DENND1B: variants seen among roughly 807,000 people sequenced by gnomAD.
The protein encoded by DENND1B is DENN domain containing 1B, also known as DENN domain-containing protein 1B.
A neutral mutation model predicts 90.1 loss-of-function variants in DENND1B; 59 were observed. The ratio of observed to expected loss-of-function variants is 0.65; its 90% confidence interval spans 0.53 to 0.81. DENND1B has a LOEUF of 0.81. Among genes scored for constraint, DENND1B ranks in the 40% least tolerant of loss-of-function variants. The pLI is 0.00. For missense variants in DENND1B, 862 were observed against 912.6 expected (o/e 0.94, Z 0.71); for synonymous variants, 337 against 324.6 (o/e 1.04, Z -0.41).
intron 15 of DENND1B, among the ~76,000 whole-genome samples, chr1:197,580,087 C>CTTTTTTTTTTTTTTTTTTTTT (rs139056668): frequency 1.3e-5 from 1 of 76,744 alleles, no homozygotes; most frequent in African/African-American, 5.2e-5. Flanking sequence ...TTCTTTCTTT[C>CTTTTTTTTTTTTTTTTTTTTT]TTTTTTTTTT....
intron 2 of DENND1B, among the ~76,000 whole-genome samples, chr1:197,722,214 T>A (rs1447658683): frequency 6.6e-6 from 1 of 152,128 alleles, no homozygotes; most frequent in East Asian, 1.9e-4. Flanking sequence ...TTATTTGGTA[T>A]TTCAAGAAAA....
rs1270608756 is a variant in DENND1B at position 197,583,270 on chromosome 1, A to AT, written c.1048-18dup. On this transcript the variant is annotated splice_polypyrimidine_tract_variant and intron_variant, in intron 14 of 22. Transcript: ENST00000620048. ...GGGCTCACCCTAGATAGAAATAAAG[A>AT]TTTTAAGGGCATCAATAAAAGGTTA... The AT allele has an allele frequency of 6.2e-7, 1 of 1,610,444 alleles. No individual in the cohort carries two copies. The highest frequency in any genetic ancestry group is 1.1e-5 in the South Asian group (1 of 90,926).
At chr1:197,582,803 A>G (rs919189487) in intron 15 of DENND1B, among the ~76,000 whole-genome samples, 2 of 123,102 alleles carry the variant, frequency 1.6e-5, no homozygotes, top group Non-Finnish European at 3.8e-5. Flanking sequence ...CTATCAAAAT[A>G]CAGTTTGTTA....
chr1:197,754,641 C>T (rs773154414), intron 2 of DENND1B, among the ~76,000 whole-genome samples: 10 of 104,304 alleles, frequency 9.6e-5, no homozygotes, highest in Non-Finnish European at 1.0e-4. Flanking sequence ...GCCTGGGCAA[C>T]AATGCGAGAC....
Position 197,510,839 on chromosome 1 carries a change from C to G in DENND1B, c.1949G>C (p.Arg650Pro). The G allele has an allele frequency of 1.9e-6, 3 of 1,611,866 alleles. No individual in the cohort carries two copies. The highest frequency in any genetic ancestry group is 1.7e-6 in the Non-Finnish European group (2 of 1,178,896). The change falls in exon 23 of 23, where the codon CGG becomes CCG. Residue 650 changes from arginine to proline, a missense_variant. Arg to Pro is a moderately radical substitution (Grantham distance 103, BLOSUM62 -2). Transcript: ENST00000620048. Reference protein sequence around the residue: ...GKHLPPSPRKRVSSSGLTDSL... With the variant: ...GKHLPPSPRKPVSSSGLTDSL... ...ATCTGTCAAACCACTAGAGGAAACC[C>G]GCTTCCTAGGAGATGGAGGGAGGTG...
chr1:197,626,906 G>A (rs140080073), intron 10 of DENND1B, among the ~76,000 whole-genome samples: 5,137 of 152,080 alleles, frequency 0.034, 282 homozygotes, highest in African/African-American at 0.12. Flanking sequence ...ACACCTCTAC[G>A]CAAATAAACT....
chr1:197,702,774 A>T (rs1027057496), intron 3 of DENND1B, among the ~76,000 whole-genome samples: 3 of 152,160 alleles, frequency 2.0e-5, no homozygotes, highest in African/African-American at 7.2e-5. Context: ...GAAAGTTCTC[A>T]ATCATCTACC....
intron 2 of DENND1B, among the ~76,000 whole-genome samples, chr1:197,757,590 A>T (rs1224107901): frequency 6.6e-6 from 1 of 152,198 alleles, no homozygotes. Context: ...GTCTTACATA[A>T]ATTTGTCTGA....
At chr1:197,732,566 C>A (rs1662245736) in intron 2 of DENND1B, among the ~76,000 whole-genome samples, 1 of 152,118 alleles carries the variant, frequency 6.6e-6, no homozygotes, top group East Asian at 1.9e-4. Flanking sequence ...CAGACTGATC[C>A]TTAGAATATG....
rs199943678 is a variant in DENND1B, at chr1:197,595,556, C to CT, written c.922-224dup. On this transcript the variant is annotated intron_variant, in intron 13 of 22. Transcript: ENST00000620048. ...GCTAATGCAAATTGGTTTATGCTCT[C>CT]TTTTTTTCCCAAGGCCTCTTGACAT... Among the ~76,000 whole-genome samples the CT allele has an allele frequency of 5.9e-3, 897 of 152,140 alleles. 13 individuals carry two copies. Among genetic ancestry groups the CT allele is most frequent in the African/African-American group, 0.02 (838 of 41,530 alleles).
At chr1:197,675,898 A>G (rs1656010860) in intron 3 of DENND1B, among the ~76,000 whole-genome samples, 1 of 151,968 alleles carries the variant, frequency 6.6e-6, no homozygotes, top group Non-Finnish European at 1.5e-5. Context: ...TAGTTGCTCA[A>G]TCTTTCACAC....
At chr1:197,755,232 C>T (rs924593210) in intron 2 of DENND1B, among the ~76,000 whole-genome samples, 4 of 152,168 alleles carry the variant, frequency 2.6e-5, no homozygotes, top group African/African-American at 9.7e-5. Flanking sequence ...CTGGTCACTT[C>T]ACTTTTCTGT....
At chr1:197,760,767 G>A (rs1346084498) in intron 2 of DENND1B, among the ~76,000 whole-genome samples, 1 of 151,888 alleles carries the variant, frequency 6.6e-6, no homozygotes, top group Admixed American at 6.6e-5. Context: ...TCTATCAAAG[G>A]CAAAATTTAG....
chr1:197,669,604 T>C (rs1311816799), intron 5 of DENND1B, among the ~76,000 whole-genome samples: 2 of 152,098 alleles, frequency 1.3e-5, no homozygotes, highest in Non-Finnish European at 2.9e-5. Context: ...TCACATACTG[T>C]CTTTCAGAAA....
At chr1:197,547,166 G>A (rs531507400) in intron 16 of DENND1B, among the ~76,000 whole-genome samples, 5 of 152,118 alleles carry the variant, frequency 3.3e-5, no homozygotes, top group African/African-American at 1.2e-4. Context: ...TACTTGAAAG[G>A]CTGTGGCCAG....
At chr1:197,569,057 A>C (rs2125726074) in intron 15 of DENND1B, among the ~76,000 whole-genome samples, 1 of 152,298 alleles carries the variant, frequency 6.6e-6, no homozygotes, top group Non-Finnish European at 1.5e-5. Context: ...TATCCAAAAT[A>C]TATAAAGAAC....
intron 2 of DENND1B, among the ~76,000 whole-genome samples, chr1:197,767,338 T>C (rs1337738973): frequency 2.0e-5 from 3 of 151,932 alleles, no homozygotes; most frequent in Non-Finnish European, 4.4e-5. Flanking sequence ...ATAGTATCAC[T>C]ATAGACAAAA....
chr1:197,697,377 T>G (rs1306096626), intron 3 of DENND1B, among the ~76,000 whole-genome samples: 1 of 151,786 alleles, frequency 6.6e-6, no homozygotes, highest in East Asian at 1.9e-4. Context: ...TCTCTATCAC[T>G]CTACTACAAC....
At chr1:197,654,488 T>C (rs1471837897) in intron 6 of DENND1B, among the ~76,000 whole-genome samples, 1 of 151,936 alleles carries the variant, frequency 6.6e-6, no homozygotes, top group African/African-American at 2.4e-5. Context: ...TGCATGCCTG[T>C]AGTCCCATCT....
Sources: gnomAD v4.1 joint callset for allele counts (sites outside exome capture counted in the v4.1 genomes callset) on GRCh38, gnomAD v4.1.1 for gene constraint, MANE v1.5 for transcripts, NCBI Gene and HGNC (gene_info 2026-07-23, HGNC 2026-07-21) for gene names.